Variants in WIPI2 observed in about 807,000 individuals in gnomAD.
The protein encoded by WIPI2 is WD repeat domain phosphoinositide-interacting protein 2.
In WIPI2, 28 loss-of-function variants were observed where a neutral mutation model predicts 52.3. That is an observed-to-expected ratio of 0.54 (90% CI 0.40 to 0.73). The LOEUF (loss-of-function observed/expected upper bound fraction) is 0.73, where lower values mean the gene tolerates loss of function less well. WIPI2 is among the 30% of genes least tolerant of loss of function. The pLI is 0.00. For missense variants in WIPI2, 506 were observed against 602.9 expected, an observed-to-expected ratio of 0.84 and a Z score of 1.68; for synonymous variants, 268 against 245.0, an observed-to-expected ratio of 1.09 and a Z score of -0.88.
chr7:5,229,911 T>C (rs1175350841), intron 12 of WIPI2, among the ~76,000 whole-genome samples, 173 bp downstream of exon 12: 1 of 150,002 alleles, frequency 6.7e-6, no homozygotes. Context: ...CTCTCAAGGC[T>C]GAATTCAGTT....
Position 5,229,639 on chromosome 7 carries a change from A to T in WIPI2, c.1153A>T (p.Ile385Phe). ...CGGCAGTCTGGAAACGACCAATGAG[A>T]TCTTGGACTCTGCCTCTCACGACTG... ...LDGSLETTNE[I>F]LDSASHDCPL... Residue 385 changes from isoleucine (I) to phenylalanine (F), a missense_variant, in exon 12 of 13, where the codon ATC (isoleucine) becomes TTC (phenylalanine). This residue lies in a region of WIPI2 where 194 missense variants were observed against 175.1 expected (regional missense o/e 1.11). Coordinates refer to ENST00000288828, the MANE Select transcript of WIPI2 (RefSeq NM_015610.4). The T allele has an allele frequency of 1.2e-6, 2 of 1,613,816 alleles. No individual in the cohort carries two copies. Among genetic ancestry groups the T allele is most frequent in the Non-Finnish European group, 1.7e-6 (2 of 1,179,900 alleles).
Position 5,228,017 on chromosome 7 carries a change from C to A in WIPI2, c.1014-87C>A, listed in dbSNP as rs1004200480. The A allele has an allele frequency of 3.1e-6, 4 of 1,304,490 alleles. No individual in the cohort carries two copies. In the Admixed American group the frequency reaches 5.6e-5, roughly 18 times the overall value. The allele number at this position is 1,304,490 out of a possible 1,614,324, so 80.8% of individuals were successfully genotyped here. A position where few individuals can be genotyped will look rare whatever the true frequency, so the allele number is the denominator to read the frequency against. On this transcript the variant is annotated intron_variant, in intron 10 of 12. Transcript: ENST00000288828. The stretch of plus-strand genomic sequence containing the variant: ...GTGCTCATCTTGCTGGGGTCTCTTT[C>A]CTCGCCTGCCAAAAGTGAGGCCGCC...
rs1196282838 is a variant in WIPI2, at chr7:5,229,688, G to A, written c.1202G>A (p.Gly401Asp). 1.5e-5 allele frequency: 25 copies of A among 1,613,964 alleles called. 1 individual carries two copies. Among genetic ancestry groups the A allele is most frequent in the Non-Finnish European group, 2.0e-5 (24 of 1,180,006 alleles). ...HDCPLVTQTY[G>D]AAAGKGTYVP... is the part of the protein sequence containing the mutation. ...TGCCCCTTAGTCACTCAGACATACG[G>A]CGCAGCTGCAGGAAAAGGTACTTAC... Residue 401 changes from glycine (G) to aspartate (D), a missense_variant, in exon 12 of 13, where the codon GGC (glycine) becomes GAC (aspartate). This residue lies in a region of WIPI2 where 194 missense variants were observed against 175.1 expected (regional missense o/e 1.11). Coordinates refer to ENST00000288828, the MANE Select transcript of WIPI2 (RefSeq NM_015610.4).
intron 2 of WIPI2, among the ~76,000 whole-genome samples, chr7:5,196,102 G>A (rs1255650427): frequency 2.6e-5 from 4 of 151,662 alleles, no homozygotes; most frequent in African/African-American, 7.3e-5. Context: ...CACTTTGGGA[G>A]GCTGAGGCAG....
intron 1 of WIPI2, chr7:5,190,705 G>C (rs1331233725): frequency 7.3e-6 from 3 of 410,394 alleles, no homozygotes; most frequent in Admixed American, 4.6e-5. Flanking sequence ...CTGCGGTCCC[G>C]GAGCGGGAGA....
chr7:5,219,746 G>T (rs1268169658), intron 7 of WIPI2, among the ~76,000 whole-genome samples: 3 of 152,190 alleles, frequency 2.0e-5, no homozygotes, highest in Non-Finnish European at 2.9e-5. Flanking sequence ...GTATATGGAT[G>T]CAGAAAATAG....
intron 2 of WIPI2, among the ~76,000 whole-genome samples, chr7:5,195,034 A>G (rs1249572860): frequency 6.6e-6 from 1 of 152,132 alleles, no homozygotes; most frequent in Non-Finnish European, 1.5e-5. Context: ...GTCCTTCCCT[A>G]GAGAAGGACA....
At chr7:5,229,286 A>G (rs1783601400) in intron 11 of WIPI2, 1 of 216,118 alleles carries the variant, frequency 4.6e-6, no homozygotes, top group Admixed American at 5.5e-5. Flanking sequence ...AAGTGCTGGG[A>G]TTACAGGCGT....
At chr7:5,220,530 C>T (rs1167516963) in intron 7 of WIPI2, among the ~76,000 whole-genome samples, 6 of 152,124 alleles carry the variant, frequency 3.9e-5, no homozygotes, top group Non-Finnish European at 5.9e-5. Context: ...TGAGCCACCA[C>T]GCCCAGCCAC....
chr7:5,205,788 A>G (rs970520814), intron 3 of WIPI2, among the ~76,000 whole-genome samples: 1 of 151,542 alleles, frequency 6.6e-6, no homozygotes, highest in Non-Finnish European at 1.5e-5. Flanking sequence ...GATTATAGGC[A>G]TGAACCATCG....
chr7:5,229,501 T>C (rs1437123489), intron 11 of WIPI2, 107 bp from the exon 12 acceptor site: 1 of 1,368,318 alleles, frequency 7.3e-7, no homozygotes, highest in Non-Finnish European at 9.8e-7. Context: ...TGGCGTCCTG[T>C]GTGGTGAGTG....
At chr7:5,223,687 A>C (rs1428619404) in intron 8 of WIPI2, among the ~76,000 whole-genome samples, 1 of 151,964 alleles carries the variant, frequency 6.6e-6, no homozygotes, top group African/African-American at 2.4e-5. Flanking sequence ...TTCCTTCTTG[A>C]GGTGCCCGTA....
intron 3 of WIPI2, among the ~76,000 whole-genome samples, chr7:5,202,706 G>C (rs1782088941): frequency 6.6e-6 from 1 of 152,122 alleles, no homozygotes; most frequent in Non-Finnish European, 1.5e-5. Flanking sequence ...TCAGTGCTGG[G>C]ATTACAGGCG....
intron 2 of WIPI2, among the ~76,000 whole-genome samples, chr7:5,195,244 T>C (rs901999197): frequency 2.0e-5 from 3 of 152,230 alleles, no homozygotes; most frequent in Non-Finnish European, 4.4e-5. Context: ...CCTGGCACTA[T>C]GCAAGGCCAA....
In WIPI2 at chr7:5,230,254, G is replaced by T. The variant is rs1428787142; in HGVS notation, c.1252+516G>T. Among the ~76,000 whole-genome samples, 3 of 152,090 alleles carry T rather than the reference G, an allele frequency of 2.0e-5. No homozygotes were observed. On this transcript the variant is annotated intron_variant, in intron 12 of 12. Coordinates refer to ENST00000288828, the MANE Select transcript of WIPI2 (RefSeq NM_015610.4). This position sits in a 1 kb window ranked among gnomAD's most constrained non-coding sequence, Gnocchi z 4.8. ...CTTCAGCAAATCTGCATCGAGTACT[G>T]CCTTCATGCTGGGCCTGTGAAGTGC...
chr7:5,229,351 A>G, intron 11 of WIPI2: 2 of 335,458 alleles, frequency 6.0e-6, no homozygotes, highest in Non-Finnish European at 5.5e-6. Context: ...AATCCTCGTT[A>G]TTAGTTAGTT....
Position 5,190,239 on chromosome 7 carries a change from G to A in WIPI2, c.-181G>A, listed in dbSNP as rs867420758. 1 of 316,052 alleles carries A rather than the reference G, an allele frequency of 3.2e-6. No homozygotes were observed. Among genetic ancestry groups the A allele is most frequent in the Non-Finnish European group, 5.5e-6 (1 of 181,376 alleles). 19.6% of individuals were successfully genotyped at this position (316,052 alleles called of 1,614,324 possible). A position where few individuals can be genotyped will look rare whatever the true frequency, so the allele number is the denominator to read the frequency against. On this transcript the variant is annotated 5_prime_UTR_variant, in exon 1 of 13. Coordinates refer to ENST00000288828, the MANE Select transcript of WIPI2 (RefSeq NM_015610.4). Reference sequence around the variant, plus strand: ...GGGGCGGGGCCGCGCAGGCGTACCGGGTGCCCCGGCTCTGGAGCATAAACA... The same window carrying A: ...GGGGCGGGGCCGCGCAGGCGTACCGAGTGCCCCGGCTCTGGAGCATAAACA...
intron 3 of WIPI2, among the ~76,000 whole-genome samples, chr7:5,202,670 G>A (rs1310759778): frequency 6.6e-6 from 1 of 152,196 alleles, no homozygotes; most frequent in Non-Finnish European, 1.5e-5. Flanking sequence ...ATAGGCGTGA[G>A]CCACTGCATC....
chr7:5,223,177 C>T (rs908945757), intron 8 of WIPI2, among the ~76,000 whole-genome samples: 2 of 152,232 alleles, frequency 1.3e-5, no homozygotes, highest in Admixed American at 6.5e-5. Context: ...TCCTGTGGCG[C>T]CTGCTTTGGA....
Sources: gnomAD v4.1 joint callset for allele counts (sites outside exome capture counted in the v4.1 genomes callset) on GRCh38, gnomAD v4.1.1 for gene constraint, gnomAD v4.1.1 regional missense constraint, Gnocchi (gnomAD v3.1) non-coding constraint, MANE v1.5 for transcripts, NCBI Gene and HGNC (gene_info 2026-07-23, HGNC 2026-07-21) for gene names.